Variants in RASAL2 observed in about 807,000 individuals in gnomAD.
The protein encoded by RASAL2 is ras GTPase-activating protein nGAP.
Under a neutral mutation model 128.9 loss-of-function variants are expected in RASAL2, and 58 were observed. The observed-to-expected ratio is 0.45, with a 90% confidence interval of 0.36 to 0.56. RASAL2 has a LOEUF of 0.56. Among genes scored for constraint, RASAL2 ranks in the 20% least tolerant of loss-of-function variants. The probability of loss-of-function intolerance (pLI) is 0.00; values close to 1 mark genes in which losing one functional copy is unlikely to be tolerated. For missense variants in RASAL2, 1,360 were observed against 1,601.6 expected, an observed-to-expected ratio of 0.85 and a Z score of 2.57; for synonymous variants, 561 against 580.8, an observed-to-expected ratio of 0.97 and a Z score of 0.49.
intron 3 of RASAL2, among the ~76,000 whole-genome samples, chr1:178,318,969 G>T (rs1205160314): frequency 1.1e-4 from 16 of 152,004 alleles, no homozygotes. Flanking sequence ...TCCTTCAGGA[G>T]CTCTTTTAGG....
intron 2 of RASAL2, among the ~76,000 whole-genome samples, chr1:178,291,089 G>T (rs1667262928): frequency 6.6e-6 from 1 of 152,136 alleles, no homozygotes. Context: ...AGAAATTTAT[G>T]CTTGGACTGT....
intron 1 of RASAL2, among the ~76,000 whole-genome samples, chr1:178,099,146 G>A (rs1011805597): frequency 2.0e-5 from 3 of 152,166 alleles, no homozygotes; most frequent in African/African-American, 7.2e-5. Context: ...ATCAGTGAGT[G>A]TGTATAAAAT....
chr1:178,195,695 A>G (rs993054417), intron 1 of RASAL2, among the ~76,000 whole-genome samples: 1 of 152,218 alleles, frequency 6.6e-6, no homozygotes, highest in African/African-American at 2.4e-5. Context: ...ATACTGCTAT[A>G]GAAGATGAAT....
At chr1:178,125,009 A>G (rs1267291685) in intron 1 of RASAL2, among the ~76,000 whole-genome samples, 1 of 152,230 alleles carries the variant, frequency 6.6e-6, no homozygotes, top group African/African-American at 2.4e-5. Context: ...TCTCATACTT[A>G]GAGAAATTAT....
chr1:178,272,598 A>G (rs1666312139), intron 1 of RASAL2, among the ~76,000 whole-genome samples: 3 of 152,190 alleles, frequency 2.0e-5, no homozygotes, highest in Admixed American at 2.0e-4. Flanking sequence ...CTTTAGTTCA[A>G]GATGGGCTTG....
In RASAL2 at chr1:178,404,130, G is replaced by A. The variant is rs956160546; in HGVS notation, c.564+13924G>A. ...AATCCCAGCTACTCGGGAGGCTGAG[G>A]CAGGAGAATTGCTTGAACCCGGGAG... On this transcript the variant is annotated intron_variant, in intron 4 of 17. Coordinates refer to ENST00000367649, the MANE Select transcript of RASAL2 (RefSeq NM_170692.4). 2.0e-5 allele frequency among the ~76,000 whole-genome samples: 3 copies of A among 151,302 alleles called. No homozygotes were observed. The South Asian group carries it at 6.3e-4, about 32-fold the overall frequency.
At chr1:178,233,743 T>G (rs1471976465) in intron 1 of RASAL2, among the ~76,000 whole-genome samples, 1 of 152,200 alleles carries the variant, frequency 6.6e-6, no homozygotes, top group Non-Finnish European at 1.5e-5. Flanking sequence ...TTTGTTAGAC[T>G]GTGGCCAACT....
At chr1:178,335,340 G>A (rs1032759188) in intron 3 of RASAL2, among the ~76,000 whole-genome samples, 5 of 151,976 alleles carry the variant, frequency 3.3e-5, no homozygotes, top group Non-Finnish European at 5.9e-5. Flanking sequence ...AAAATATAGG[G>A]TCTGATTAAA....
chr1:178,304,664 A>T (rs1334639014), intron 3 of RASAL2, among the ~76,000 whole-genome samples: 1 of 152,212 alleles, frequency 6.6e-6, no homozygotes, highest in African/African-American at 2.4e-5. Flanking sequence ...TAAGGAAATC[A>T]AAACAGCAAA....
chr1:178,265,660 G>C (rs187599002), intron 1 of RASAL2, among the ~76,000 whole-genome samples: 1 of 152,260 alleles, frequency 6.6e-6, no homozygotes. Context: ...TACATAAATT[G>C]TATAGCTTGA....
At chr1:178,317,660 G>A (rs1178533700) in intron 3 of RASAL2, among the ~76,000 whole-genome samples, 1 of 148,680 alleles carries the variant, frequency 6.7e-6, no homozygotes, top group Non-Finnish European at 1.5e-5. Flanking sequence ...ATTTCTTATT[G>A]TGTCTATTTG....
At chr1:178,214,375 A>C (rs12035278) in intron 1 of RASAL2, among the ~76,000 whole-genome samples, 1 of 152,216 alleles carries the variant, frequency 6.6e-6, no homozygotes, top group Non-Finnish European at 1.5e-5. Context: ...GTAGCCATAC[A>C]TATAACTTGA....
intron 1 of RASAL2, among the ~76,000 whole-genome samples, chr1:178,260,113 G>C (rs1665597580): frequency 6.6e-6 from 1 of 151,170 alleles, no homozygotes; most frequent in Admixed American, 6.6e-5. Flanking sequence ...AGCATTTTGG[G>C]AAGCCGAGGT....
chr1:178,381,880 T>C (rs951965817), intron 3 of RASAL2, among the ~76,000 whole-genome samples: 1 of 152,176 alleles, frequency 6.6e-6, no homozygotes, highest in African/African-American at 2.4e-5. Context: ...AGGCCCTATC[T>C]GTAGATTAGA....
At chr1:178,200,650 G>A (rs1662832384) in intron 1 of RASAL2, among the ~76,000 whole-genome samples, 1 of 152,182 alleles carries the variant, frequency 6.6e-6, no homozygotes, top group Admixed American at 6.5e-5. Context: ...GTGAGTGACT[G>A]ACCTGCAACA....
At chr1:178,142,089 G>T (rs907817347) in intron 1 of RASAL2, among the ~76,000 whole-genome samples, 2 of 152,154 alleles carry the variant, frequency 1.3e-5, no homozygotes, top group Non-Finnish European at 2.9e-5. Flanking sequence ...TACGATTCTA[G>T]TTACTTTCCT....
intron 1 of RASAL2, among the ~76,000 whole-genome samples, chr1:178,181,762 C>T (rs761319809): frequency 1.1e-4 from 16 of 151,230 alleles, no homozygotes; most frequent in Non-Finnish European, 1.8e-4. Flanking sequence ...AAAAGTACCT[C>T]AACTGGGATT....
intron 3 of RASAL2, chr1:178,341,657 G>A (rs1206980461): frequency 1.2e-6 from 2 of 1,612,446 alleles, no homozygotes; most frequent in African/African-American, 2.7e-5. Context: ...ACGTATTTAA[G>A]GGGAATGTGG....
intron 3 of RASAL2, among the ~76,000 whole-genome samples, chr1:178,366,745 T>C (rs1215913504): frequency 6.6e-6 from 1 of 152,120 alleles, no homozygotes; most frequent in Admixed American, 6.5e-5. Context: ...ATTAGTGGAA[T>C]ATTTTCGGCC....
Sources: gnomAD v4.1 joint callset for allele counts (sites outside exome capture counted in the v4.1 genomes callset) on GRCh38, gnomAD v4.1.1 for gene constraint, MANE v1.5 for transcripts, NCBI Gene and HGNC (gene_info 2026-07-23, HGNC 2026-07-21) for gene names.